GALM: variants seen among roughly 807,000 people sequenced by gnomAD.
The protein encoded by GALM is aldose 1-epimerase.
In GALM, 43 loss-of-function variants were observed where a neutral mutation model predicts 37.4. That is an observed-to-expected ratio of 1.15 (90% CI 0.90 to 1.48). The LOEUF (loss-of-function observed/expected upper bound fraction) is 1.48. Among genes scored for constraint, GALM ranks in the 40% most tolerant of loss-of-function variants. The pLI, the probability that GALM is intolerant of heterozygous loss-of-function variation, is 0.00. For synonymous variants in GALM, 199 were observed against 170.6 expected, an observed-to-expected ratio of 1.17 and a Z score of -1.30; for missense variants, 456 against 419.1, an observed-to-expected ratio of 1.09 and a Z score of -0.77.
intron 4 of GALM, among the ~76,000 whole-genome samples, chr2:38,699,969 T>G (rs1159499082): frequency 1.3e-5 from 2 of 152,130 alleles, no homozygotes; most frequent in Non-Finnish European, 2.9e-5. Flanking sequence ...TTTTGTTTTT[T>G]TGAGAGAGTC....
At chr2:38,697,491 G>T (rs1035406258) in intron 4 of GALM, among the ~76,000 whole-genome samples, 2 of 152,134 alleles carry the variant, frequency 1.3e-5, no homozygotes, top group South Asian at 2.1e-4. Context: ...GTTTTAACGT[G>T]TGCTATTCTT....
At position 38,698,357 on chromosome 2, in the gene GALM, C is replaced by G. The variant is rs141838649; in HGVS notation, c.634+8463C>G. On this transcript the variant is annotated intron_variant, in intron 4 of 6. Transcript: ENST00000272252. ...TGCTCACAGGTGCTTCTTTCCTGTC[C>G]CATGGCAGGTGGCACCAACAGAAGG... 1.8e-4 allele frequency: 241 copies of G among 1,302,928 alleles called. 1 individual carries two copies. In the East Asian group the frequency reaches 0.011, roughly 60 times the overall value. 80.7% of individuals were successfully genotyped at this position (1,302,928 alleles called of 1,614,324 possible). A position where few individuals can be genotyped will look rare whatever the true frequency, so the allele number is the denominator to read the frequency against.
At chr2:38,689,386 G>T (rs936373122) in intron 3 of GALM, among the ~76,000 whole-genome samples, 2 of 152,196 alleles carry the variant, frequency 1.3e-5, no homozygotes, top group African/African-American at 4.8e-5. Flanking sequence ...CTAGAGGGGG[G>T]TGCCAGGTGC....
chr2:38,728,318 T>C (rs1359529189), intron 4 of GALM, among the ~76,000 whole-genome samples: 5 of 150,898 alleles, frequency 3.3e-5, no homozygotes, highest in Admixed American at 1.3e-4. Context: ...CACTTGAACC[T>C]GGGAGGCAGA....
At chr2:38,704,373 A>G (rs1665993322) in intron 4 of GALM, among the ~76,000 whole-genome samples, 1 of 151,984 alleles carries the variant, frequency 6.6e-6, no homozygotes, top group South Asian at 2.1e-4. Flanking sequence ...CTAATTTAAA[A>G]AATATTTTTT....
chr2:38,730,097 C>T (rs1666570803), intron 5 of GALM, among the ~76,000 whole-genome samples: 1 of 152,212 alleles, frequency 6.6e-6, no homozygotes, highest in African/African-American at 2.4e-5. Flanking sequence ...CTGCAGCACT[C>T]ACCGCCTCCA....
intron 4 of GALM, among the ~76,000 whole-genome samples, chr2:38,710,455 C>T (rs779269678): frequency 6.6e-6 from 1 of 152,214 alleles, no homozygotes; most frequent in Non-Finnish European, 1.5e-5. Context: ...CTCACCCTCA[C>T]CTGGCCTACT....
chr2:38,666,748 G>A (rs979048401), intron 1 of GALM, among the ~76,000 whole-genome samples: 1 of 152,198 alleles, frequency 6.6e-6, no homozygotes, highest in Admixed American at 6.5e-5. Context: ...TTCTGAAGAA[G>A]GAAATTCAAA....
intron 4 of GALM, among the ~76,000 whole-genome samples, chr2:38,715,126 G>T (rs955450391): frequency 6.6e-6 from 1 of 152,006 alleles, no homozygotes; most frequent in African/African-American, 2.4e-5. Context: ...CTTTTTTGTC[G>T]CTTTAAACAT....
In GALM at chr2:38,731,392, A is replaced by T. The variant is rs868623093; in HGVS notation, c.777-343A>T. On this transcript the variant is annotated intron_variant, in intron 5 of 6. Coordinates refer to ENST00000272252, the MANE Select transcript of GALM (RefSeq NM_138801.3). ...AGCCTGGGCAATAGAGAAAGACTCTATTTCAAAAAAAAAAAAAAAAAAAAA... is the reference window on the plus strand; with the variant it reads ...AGCCTGGGCAATAGAGAAAGACTCTTTTTCAAAAAAAAAAAAAAAAAAAAA... Among the ~76,000 whole-genome samples, 113 of 71,200 alleles carry T rather than the reference A, an allele frequency of 1.6e-3. 2 individuals are homozygous for T. The South Asian group carries it at 0.021, about 13-fold the overall frequency. 46.7% of individuals were successfully genotyped at this position (71,200 alleles called of 152,430 possible). A position where few individuals can be genotyped will look rare whatever the true frequency, so the allele number is the denominator to read the frequency against.
At chr2:38,688,309 C>T (rs1050397506) in intron 3 of GALM, among the ~76,000 whole-genome samples, 24 of 151,550 alleles carry the variant, frequency 1.6e-4, no homozygotes, top group Non-Finnish European at 2.9e-5. Context: ...GTCGCGAGTT[C>T]GAGACCAGCC....
chr2:38,696,235 T>G (rs1310183773), intron 4 of GALM, among the ~76,000 whole-genome samples: 6 of 152,070 alleles, frequency 3.9e-5, no homozygotes, highest in African/African-American at 1.4e-4. Context: ...TTCTCCTGCC[T>G]TGGCCTCCCA....
At chr2:38,668,590 A>G (rs1665012507) in intron 1 of GALM, 1 of 152,170 alleles carries the variant, frequency 6.6e-6, no homozygotes, top group Admixed American at 6.6e-5. Flanking sequence ...CTTTTAAACC[A>G]TCAGAGTATG....
intron 4 of GALM, among the ~76,000 whole-genome samples, chr2:38,711,102 C>T (rs1480351566): frequency 1.3e-5 from 2 of 151,472 alleles, no homozygotes; most frequent in Non-Finnish European, 2.9e-5. Context: ...GGCCTCTCCT[C>T]TTGTGATACC....
Position 38,731,807 on chromosome 2 carries a change from C to T in GALM, c.849C>T (p.Gly283=), listed in dbSNP as rs746235250. Residue 283 remains glycine, a synonymous_variant, in exon 6 of 7, where the codon GGC becomes GGT. Transcript: ENST00000272252. ...AGCCCGGGGTCCAGTTTTACACGGG[C>T]AACTTCCTGGATGGCACATTAAAGG... ...TTQPGVQFYT[G]NFLDGTLKGK... 3 of 1,613,902 alleles carry T rather than the reference C, an allele frequency of 1.9e-6. No homozygotes were observed. The East Asian group carries it at 6.7e-5, about 36-fold the overall frequency.
In GALM at chr2:38,699,648, C is replaced by A. The variant is rs548814859; in HGVS notation, c.634+9754C>A. ...GCCTGGACAACATAGCAAGAACCAT[C>A]TTAAAAAAGAAAAGAGAAGAATATT... On this transcript the variant is annotated intron_variant, in intron 4 of 6. Transcript: ENST00000272252. Among the ~76,000 whole-genome samples, 3 of 152,134 alleles carry A rather than the reference C, an allele frequency of 2.0e-5. No individual in the cohort carries two copies. The South Asian group carries it at 6.2e-4, about 32-fold the overall frequency.
chr2:38,721,888 G>A (rs1043346843), intron 4 of GALM, among the ~76,000 whole-genome samples: 1 of 152,076 alleles, frequency 6.6e-6, no homozygotes, highest in African/African-American at 2.4e-5. Context: ...CTTTGACTTT[G>A]TCATGACCTG....
chr2:38,693,209 G>A (rs1665721032), intron 4 of GALM, among the ~76,000 whole-genome samples: 1 of 152,216 alleles, frequency 6.6e-6, no homozygotes, highest in Admixed American at 6.5e-5. Context: ...CAGGTCGGGT[G>A]CAGTGGCTAA....
chr2:38,705,644 G>C (rs1032778718), intron 4 of GALM, among the ~76,000 whole-genome samples: 7 of 152,170 alleles, frequency 4.6e-5, no homozygotes, highest in African/African-American at 1.4e-4. Context: ...ATAAGCCAAA[G>C]AGACAGTTGG....
Sources: allele counts gnomAD v4.1 joint callset (sites outside exome capture counted in the v4.1 genomes callset), GRCh38; gene constraint gnomAD v4.1.1; transcripts MANE v1.5; gene names NCBI Gene and HGNC (gene_info 2026-07-23, HGNC 2026-07-21).